The following ARHGAP44 variants were observed in gnomAD, a reference collection of about 807,000 sequenced individuals.
ARHGAP44 encodes the protein Rho GTPase activating protein 44.
In ARHGAP44, 43 loss-of-function variants were observed where a neutral mutation model predicts 106.8. The observed-to-expected ratio is 0.40, with a 90% CI of 0.32 to 0.52. The LOEUF (loss-of-function observed/expected upper bound fraction) is 0.52, where lower values mean the gene tolerates loss of function less well. ARHGAP44 is among the 20% of genes least tolerant of loss of function. The pLI is 0.48. For missense variants in ARHGAP44, 866 were observed against 1,050.5 expected (o/e 0.82, Z 2.43); for synonymous variants, 439 against 410.3 (o/e 1.07, Z -0.85).
rs1168409006 is a variant in ARHGAP44, at chr17:12,802,954, TATATATATATATATA to T, written c.53+13064_53+13078del. ...ATATATATATATATATATATATATATATATATATATATATATTTTTTTTTTTTTTTTTTTTTGAGG... is the reference window on the plus strand; with the variant it reads ...ATATATATATATATATATATATATATTTTTTTTTTTTTTTTTTTTTTGAGG... On this transcript the variant is annotated intron_variant, in intron 1 of 20. Transcript: ENST00000379672. Among the ~76,000 whole-genome samples the T allele has an allele frequency of 2.3e-3, 55 of 24,244 alleles. 1 individual carries two copies. The highest frequency in any genetic ancestry group is 0.018 in the African/African-American group (45 of 2,486). 15.9% of individuals were successfully genotyped at this position (24,244 alleles called of 152,430 possible).
intron 4 of ARHGAP44, among the ~76,000 whole-genome samples, chr17:12,911,197 G>A (rs2037727015): frequency 6.6e-6 from 1 of 152,170 alleles, no homozygotes; most frequent in African/African-American, 2.4e-5. Context: ...ATGAAATCCT[G>A]TTGTATGGTA....
At chr17:12,849,235 G>A (rs931539100) in intron 1 of ARHGAP44, among the ~76,000 whole-genome samples, 12 of 151,670 alleles carry the variant, frequency 7.9e-5, no homozygotes, top group Non-Finnish European at 1.5e-4. Context: ...GTGTGTGTGC[G>A]CACACACACA....
Position 12,941,069 on chromosome 17 carries a change from C to T in ARHGAP44, c.596C>T (p.Ala199Val). The change falls in exon 8 of 21, where the codon GCT (alanine) becomes GTT (valine). Residue 199 changes from alanine to valine, a missense_variant. Ala to Val is a moderately conservative substitution (Grantham distance 64). Coordinates refer to ENST00000379672, the MANE Select transcript of ARHGAP44 (RefSeq NM_014859.6). Reference protein sequence around the residue: ...RVEICRDQLSADMYSFVAKEI... With the variant: ...RVEICRDQLSVDMYSFVAKEI... ...TACCTTGCACAGGACCAGCTCTCAG[C>T]TGATATGTACAGTTTTGTGGCCAAA... is the stretch of plus-strand genomic sequence containing the variant. 6.2e-7 allele frequency: 1 copy of T among 1,613,980 alleles called. No individual in the cohort carries two copies. Among genetic ancestry groups the T allele is most frequent in the African/African-American group, 1.3e-5 (1 of 75,048 alleles).
intron 1 of ARHGAP44, among the ~76,000 whole-genome samples, chr17:12,817,708 A>G (rs906688822): frequency 1.3e-5 from 2 of 152,058 alleles, no homozygotes; most frequent in Admixed American, 6.6e-5. Context: ...AGACCTGGAA[A>G]GTTGTTTAAA....
intron 20 of ARHGAP44, chr17:12,988,079 T>G (rs1598171213): frequency 6.6e-6 from 1 of 152,218 alleles, no homozygotes; most frequent in African/African-American, 2.4e-5. Context: ...CCGAGTGTCC[T>G]GGAGACAAGC....
At chr17:12,977,676 G>GGGTCA (rs2143379901) in intron 18 of ARHGAP44, among the ~76,000 whole-genome samples, 1 of 152,248 alleles carries the variant, frequency 6.6e-6, no homozygotes, top group African/African-American at 2.4e-5. Context: ...TCTCCCCACT[G>GGGTCA]GGTCAGCTGC....
At chr17:12,803,008 T>C (rs1394971721) in intron 1 of ARHGAP44, among the ~76,000 whole-genome samples, 2 of 131,144 alleles carry the variant, frequency 1.5e-5, no homozygotes, top group African/African-American at 5.8e-5. Context: ...AGTCTAGCTC[T>C]GTCACCCAGG....
chr17:12,920,660 G>A (rs1385503641), intron 6 of ARHGAP44, among the ~76,000 whole-genome samples: 1 of 152,172 alleles, frequency 6.6e-6, no homozygotes, highest in African/African-American at 2.4e-5. Flanking sequence ...GAGCCAGGAG[G>A]TAGGATGGTT....
At position 12,958,505 on chromosome 17, in the gene ARHGAP44, A is replaced by G. The variant is rs2039182215; in HGVS notation, c.1343-212A>G. ...AACTTTTTTTTTTTTTCACAAATTG[A>G]CATTGCTTTATTAAATGCCTATATA... On this transcript the variant is annotated intron_variant, in intron 15 of 20. Coordinates refer to ENST00000379672, the MANE Select transcript of ARHGAP44 (RefSeq NM_014859.6). This position sits in a 1 kb window ranked among gnomAD's most constrained non-coding sequence, Gnocchi z 4.1. Among the ~76,000 whole-genome samples the G allele has an allele frequency of 6.6e-6, 1 of 151,790 alleles. No individual in the cohort carries two copies. Among genetic ancestry groups the G allele is most frequent in the Non-Finnish European group, 1.5e-5 (1 of 67,960 alleles).
chr17:12,826,033 A>G (rs939317320), intron 1 of ARHGAP44, among the ~76,000 whole-genome samples: 15 of 152,198 alleles, frequency 9.9e-5, no homozygotes, highest in Admixed American at 2.0e-4. Context: ...TTTGTGATTT[A>G]AGAGAGATCT....
At chr17:12,887,331 C>T (rs1012853310) in intron 1 of ARHGAP44, among the ~76,000 whole-genome samples, 2 of 152,076 alleles carry the variant, frequency 1.3e-5, no homozygotes, top group East Asian at 1.9e-4. Context: ...TGGGCTCCAG[C>T]GATCCTCCCA....
intron 1 of ARHGAP44, among the ~76,000 whole-genome samples, chr17:12,800,084 C>A (rs549857540): frequency 6.6e-6 from 1 of 152,192 alleles, no homozygotes; most frequent in South Asian, 2.1e-4. Context: ...TTAGAATAAC[C>A]CCTGGTTGTA....
chr17:12,798,601 C>A (rs911032304), intron 1 of ARHGAP44, among the ~76,000 whole-genome samples: 1 of 152,152 alleles, frequency 6.6e-6, no homozygotes, highest in South Asian at 2.1e-4. Context: ...TGCCTTCCTG[C>A]AGTTAATCTT....
chr17:12,935,686 A>C (rs950563735), intron 7 of ARHGAP44, among the ~76,000 whole-genome samples: 3 of 152,176 alleles, frequency 2.0e-5, no homozygotes, highest in African/African-American at 7.2e-5. Context: ...AATATTTTTT[A>C]AGTAGGAAAA....
chr17:12,974,256 C>T lies in ARHGAP44; in HGVS notation c.1709C>T (p.Ala570Val). 1.3e-6 allele frequency: 2 copies of T among 1,513,254 alleles called. No homozygotes were observed. Among genetic ancestry groups the T allele is most frequent in the South Asian group, 2.5e-5 (2 of 79,058 alleles). 93.7% of individuals were successfully genotyped at this position (1,513,254 alleles called of 1,614,324 possible). The change falls in exon 18 of 21, where the codon GCC becomes GTC. Residue 570 changes from alanine (A) to valine (V), a missense_variant. Around this residue, in one of 2 missense-constraint regions of ARHGAP44, gnomAD observed 418 missense variants for 403.6 expected, o/e 1.04. Transcript: ENST00000379672. Reference sequence around the variant, plus strand: ...GAGCAGCCCCTGGACAGCCCCGCGGCCCCCGCGCTCTCTCCATCCGGCCTG... The same window carrying T: ...GAGCAGCCCCTGGACAGCCCCGCGGTCCCCGCGCTCTCTCCATCCGGCCTG... ...LPEQPLDSPA[A>V]PALSPSGLGL...
Position 12,828,623 on chromosome 17 carries a change from T to A in ARHGAP44, c.53+38732T>A, listed in dbSNP as rs530372529. On this transcript the variant is annotated intron_variant, in intron 1 of 20. Coordinates refer to ENST00000379672, the MANE Select transcript of ARHGAP44 (RefSeq NM_014859.6). ...TGTTTAGCTAATATTTTCTTTTGGA[T>A]TTTTTTTTCTTTCTTTTTTTTTTTT... 2.1e-3 allele frequency among the ~76,000 whole-genome samples: 299 copies of A among 139,312 alleles called. 1 individual carries two copies. The highest frequency in any genetic ancestry group is 3.5e-3 in the Non-Finnish European group (233 of 67,008). The allele number at this position is 139,312 out of a possible 152,430, so 91.4% of individuals were successfully genotyped here.
intron 10 of ARHGAP44, among the ~76,000 whole-genome samples, chr17:12,948,594 C>T (rs1009474646): frequency 4.6e-5 from 7 of 152,058 alleles, no homozygotes; most frequent in African/African-American, 9.7e-5. Flanking sequence ...TGCTTGAACC[C>T]GGGAGGCAGA....
intron 1 of ARHGAP44, among the ~76,000 whole-genome samples, chr17:12,801,457 AG>A (rs1378738467): frequency 6.6e-5 from 10 of 152,214 alleles, no homozygotes; most frequent in African/African-American, 2.2e-4. Context: ...ATAGCTGGTG[AG>A]GGAAGTGGTT....
chr17:12,989,807 C>T (rs901477062), intron 20 of ARHGAP44, among the ~76,000 whole-genome samples: 5 of 152,140 alleles, frequency 3.3e-5, no homozygotes, highest in African/African-American at 1.2e-4. Context: ...ACCACAGTGG[C>T]GTATCCTGGG....
Sources: allele counts gnomAD v4.1 joint callset (sites outside exome capture counted in the v4.1 genomes callset), GRCh38; gene constraint gnomAD v4.1.1; regional missense constraint gnomAD v4.1.1; non-coding constraint Gnocchi (gnomAD v3.1); transcripts MANE v1.5; gene names NCBI Gene and HGNC (gene_info 2026-07-23, HGNC 2026-07-21).